EDIL3: variants seen among roughly 807,000 people sequenced by gnomAD.
EDIL3 encodes the protein EGF-like repeat and discoidin I-like domain-containing protein 3.
In EDIL3, 37 loss-of-function variants were observed where a neutral mutation model predicts 67.4. The observed-to-expected ratio is 0.55, with a 90% CI of 0.42 to 0.72. EDIL3 has a LOEUF of 0.72. Among genes scored for constraint, EDIL3 ranks in the 30% least tolerant of loss-of-function variants. EDIL3 has a pLI of 0.00. For synonymous variants in EDIL3, 195 were observed against 196.3 expected (o/e 0.99, Z 0.05); for missense variants, 527 against 586.3 (o/e 0.90, Z 1.04).
intron 3 of EDIL3, among the ~76,000 whole-genome samples, chr5:84,228,027 C>T (rs1345491605): frequency 6.6e-6 from 1 of 152,012 alleles, no homozygotes; most frequent in Non-Finnish European, 1.5e-5. Flanking sequence ...CATGTGCCCC[C>T]TGTAACTAAA....
Position 84,303,806 on chromosome 5 carries a change from CTCTG to C in EDIL3, c.68-49598_68-49595del, listed in dbSNP as rs1438780906. On this transcript the variant is annotated intron_variant, in intron 1 of 10. Transcript: ENST00000296591. ...ACTTGAACAGCATGTCTCTCTCTCTCTCTGTGTGTGTGTGTGTGTGTGTGTGTGT... is the reference window on the plus strand; with the variant it reads ...ACTTGAACAGCATGTCTCTCTCTCTCTGTGTGTGTGTGTGTGTGTGTGTGT... Among the ~76,000 whole-genome samples the C allele has an allele frequency of 7.9e-5, 8 of 101,424 alleles. No individual in the cohort carries two copies. The East Asian group carries it at 1.6e-3, about 20-fold the overall frequency. 66.5% of individuals were successfully genotyped at this position (101,424 alleles called of 152,430 possible). A position where few individuals can be genotyped will look rare whatever the true frequency, so the allele number is the denominator to read the frequency against.
intron 4 of EDIL3, among the ~76,000 whole-genome samples, chr5:84,150,253 A>G (rs974005429): frequency 6.6e-6 from 1 of 152,196 alleles, no homozygotes; most frequent in Non-Finnish European, 1.5e-5. Context: ...ATCACTCAAA[A>G]TAGATTGTAG....
At chr5:84,035,717 T>A (rs2112207742) in intron 9 of EDIL3, among the ~76,000 whole-genome samples, 1 of 152,318 alleles carries the variant, frequency 6.6e-6, no homozygotes, top group East Asian at 1.9e-4. Flanking sequence ...GGAACTTATT[T>A]TTTAACTCAA....
chr5:84,357,263 C>A (rs1050911880), intron 1 of EDIL3, among the ~76,000 whole-genome samples: 2 of 152,054 alleles, frequency 1.3e-5, no homozygotes, highest in African/African-American at 4.8e-5. Flanking sequence ...CACATTAATT[C>A]TAATTTGTAC....
intron 9 of EDIL3, among the ~76,000 whole-genome samples, chr5:84,038,056 G>A (rs894197435): frequency 7.3e-6 from 1 of 137,776 alleles, no homozygotes; most frequent in African/African-American, 2.9e-5. Flanking sequence ...AGGCTGGAGT[G>A]CAGTGGCATG....
intron 1 of EDIL3, among the ~76,000 whole-genome samples, chr5:84,297,664 C>T (rs995079379): frequency 3.9e-5 from 6 of 152,086 alleles, no homozygotes; most frequent in African/African-American, 1.4e-4. Context: ...TCTGGGAGCC[C>T]ATGCTATTTA....
In EDIL3 at chr5:83,943,469, C is replaced by T. The variant is rs370598359; in HGVS notation, c.1393G>A (p.Gly465Arg). The T allele has an allele frequency of 7.1e-5, 114 of 1,612,646 alleles. No homozygotes were observed. Among genetic ancestry groups the T allele is most frequent in the Non-Finnish European group, 8.1e-5 (95 of 1,179,242 alleles). ...HIRILPWSWY[G>R]RITLRSELLG... ...AGCTCTGACCGCAATGTGATCCTCC[C>T]GTACCAGGACCAAGGAAGGATTCTT... Residue 465 changes from glycine (G) to arginine (R), a missense_variant, in exon 11 of 11, where the codon GGG becomes AGG. Transcript: ENST00000296591.
chr5:84,031,313 T>C (rs1287807020), intron 9 of EDIL3, among the ~76,000 whole-genome samples: 1 of 152,154 alleles, frequency 6.6e-6, no homozygotes, highest in Non-Finnish European at 1.5e-5. Flanking sequence ...AAGTAATTGT[T>C]TGACATATTT....
At chr5:84,092,949 A>T (rs966856051) in intron 6 of EDIL3, among the ~76,000 whole-genome samples, 5 of 152,200 alleles carry the variant, frequency 3.3e-5, no homozygotes, top group African/African-American at 1.2e-4. Flanking sequence ...TGCAGTGATT[A>T]TGGAGTAAAG....
chr5:84,079,383 TG>T (rs1746922525), intron 6 of EDIL3, among the ~76,000 whole-genome samples: 1 of 152,082 alleles, frequency 6.6e-6, no homozygotes, highest in Non-Finnish European at 1.5e-5. Context: ...GGAAGTCTTG[TG>T]GGACTGGGCC....
At chr5:84,323,630 T>C (rs73769798) in intron 1 of EDIL3, among the ~76,000 whole-genome samples, 4,476 of 151,934 alleles carry the variant, frequency 0.029, 209 homozygotes, top group African/African-American at 0.1. Flanking sequence ...ATTTGAAGAA[T>C]GGGTTTTAAC....
chr5:84,111,756 G>A (rs1747569014), intron 5 of EDIL3, among the ~76,000 whole-genome samples: 1 of 152,176 alleles, frequency 6.6e-6, no homozygotes, highest in African/African-American at 2.4e-5. Context: ...TCTCTGAATG[G>A]GAAGAAGGAG....
intron 1 of EDIL3, among the ~76,000 whole-genome samples, chr5:84,363,066 T>C (rs1747647332): frequency 6.6e-6 from 1 of 152,064 alleles, no homozygotes; most frequent in South Asian, 2.1e-4. Flanking sequence ...TATTCTACTT[T>C]AAGTATATAC....
chr5:84,027,074 G>C (rs190962127), intron 9 of EDIL3, among the ~76,000 whole-genome samples: 10 of 152,214 alleles, frequency 6.6e-5, no homozygotes, highest in African/African-American at 1.7e-4. Context: ...CAGCCTGGGT[G>C]GTGGGCTGAG....
At chr5:84,317,900 A>G (rs1193579181) in intron 1 of EDIL3, among the ~76,000 whole-genome samples, 1 of 152,206 alleles carries the variant, frequency 6.6e-6, no homozygotes, top group Admixed American at 6.5e-5. Context: ...ACATGACTGT[A>G]TATTTAGAAA....
chr5:84,096,307 G>A (rs1747262476), intron 6 of EDIL3, among the ~76,000 whole-genome samples: 3 of 152,164 alleles, frequency 2.0e-5, no homozygotes, highest in Admixed American at 1.3e-4. Context: ...ACCTGTGAAA[G>A]CAGCCAGGAG....
At chr5:84,060,177 A>T (rs1746515590) in intron 9 of EDIL3, 123 bp downstream of exon 9, 1 of 1,189,134 alleles carries the variant, frequency 8.4e-7, no homozygotes, top group African/African-American at 1.5e-5. Flanking sequence ...AATTTAGTTA[A>T]ACCGAAGATG....
At chr5:83,991,782 C>T (rs147822162) in intron 9 of EDIL3, among the ~76,000 whole-genome samples, 4 of 152,088 alleles carry the variant, frequency 2.6e-5, no homozygotes, top group Non-Finnish European at 2.9e-5. Context: ...ACAGGCCGAC[C>T]GCGGAATTTC....
At chr5:84,348,063 A>G (rs1484799513) in intron 1 of EDIL3, among the ~76,000 whole-genome samples, 8 of 152,196 alleles carry the variant, frequency 5.3e-5, no homozygotes, top group Non-Finnish European at 1.2e-4. Flanking sequence ...GGTGAGGGAG[A>G]AAAGTGGTCC....
Sources: gnomAD v4.1 joint callset for allele counts (sites outside exome capture counted in the v4.1 genomes callset) on GRCh38, gnomAD v4.1.1 for gene constraint, MANE v1.5 for transcripts, NCBI Gene and HGNC (gene_info 2026-07-23, HGNC 2026-07-21) for gene names.